The following STAG1 variants were observed in gnomAD, a reference collection of about 807,000 sequenced individuals.
STAG1 encodes the protein STAG1 cohesin complex component, also known as cohesin subunit SA-1.
Under a neutral mutation model 170.9 loss-of-function variants are expected in STAG1, and 26 were observed. That is an observed-to-expected ratio of 0.15 (90% CI 0.11 to 0.21). The LOEUF (loss-of-function observed/expected upper bound fraction) is 0.21. Among genes scored for constraint, STAG1 ranks in the 10% least tolerant of loss-of-function variants. The probability of loss-of-function intolerance (pLI) is 1.00; values close to 1 mark genes in which losing one functional copy is unlikely to be tolerated. For missense variants in STAG1, 964 were observed against 1,509.5 expected (o/e 0.64, Z 5.99); for synonymous variants, 514 against 497.7 (o/e 1.03, Z -0.44).
chr3:136,391,756 T>C (rs981268126), intron 22 of STAG1, among the ~76,000 whole-genome samples: 8 of 152,196 alleles, frequency 5.3e-5, no homozygotes, highest in Non-Finnish European at 1.0e-4. Context: ...AGAAGGATGT[T>C]TTCTGCTACA....
chr3:136,666,095 AAAAAAAAAAAAAAAAAG>A (rs1941757641), intron 1 of STAG1, among the ~76,000 whole-genome samples: 2 of 146,782 alleles, frequency 1.4e-5, no homozygotes, highest in African/African-American at 5.0e-5. Flanking sequence ...AAAAAAAAAA[AAAAAAAAAAAAAAAAAG>A]AAAGAAATGC....
intron 28 of STAG1, among the ~76,000 whole-genome samples, chr3:136,350,881 A>G (rs1039950494): frequency 2.0e-5 from 3 of 152,202 alleles, no homozygotes; most frequent in Non-Finnish European, 2.9e-5. Context: ...TAGCAGCAAC[A>G]AATGACAGCG....
intron 20 of STAG1, among the ~76,000 whole-genome samples, chr3:136,420,055 C>T (rs898113471): frequency 2.6e-5 from 4 of 151,726 alleles, no homozygotes; most frequent in Non-Finnish European, 4.4e-5. Context: ...TCAAGACCAG[C>T]CTGGCCAACA....
At chr3:136,495,876 G>A (rs1321595745) in intron 9 of STAG1, among the ~76,000 whole-genome samples, 1 of 151,538 alleles carries the variant, frequency 6.6e-6, no homozygotes, top group East Asian at 2.0e-4. Context: ...GGCTGAGGCA[G>A]GAGAATGGCG....
chr3:136,747,602 G>A (rs1390321495), intron 1 of STAG1, among the ~76,000 whole-genome samples: 1 of 151,634 alleles, frequency 6.6e-6, no homozygotes, highest in Non-Finnish European at 1.5e-5. Context: ...CTGAGCCTGG[G>A]GAGGTTGAGG....
intron 1 of STAG1, among the ~76,000 whole-genome samples, chr3:136,699,533 C>A (rs1054913402): frequency 1.3e-5 from 2 of 151,900 alleles, no homozygotes; most frequent in African/African-American, 4.8e-5. Flanking sequence ...TGGGACTAAG[C>A]GCCACCACGT....
At chr3:136,648,981 A>G (rs1941124151) in intron 1 of STAG1, among the ~76,000 whole-genome samples, 1 of 152,188 alleles carries the variant, frequency 6.6e-6, no homozygotes, top group Non-Finnish European at 1.5e-5. Flanking sequence ...ATTCCTAAAC[A>G]TAGCAAGCAA....
rs1317656282 is a variant in STAG1, at chr3:136,422,975, T to A, written c.1720A>T (p.Thr574Ser). Residue 574 changes from threonine (T) to serine (S), a missense_variant, in exon 17 of 34, where the codon ACA (threonine) becomes TCA (serine). By Grantham distance (58) the Thr-to-Ser change is moderately conservative. Coordinates refer to ENST00000383202, the MANE Select transcript of STAG1 (RefSeq NM_005862.3). ...RNKLTEHFII[T>S]LPMLLSKYSA... Reference sequence around the variant, plus strand: ...ACCTTTGACAGTAACATAGGAAGTGTAATAATAAAATGTTCAGTCAATTTG... The same window carrying A: ...ACCTTTGACAGTAACATAGGAAGTGAAATAATAAAATGTTCAGTCAATTTG... 6.2e-7 allele frequency: 1 copy of A among 1,607,570 alleles called. No homozygotes were observed.
intron 6 of STAG1, among the ~76,000 whole-genome samples, chr3:136,522,712 C>T (rs754586652): frequency 2.3e-5 from 3 of 130,674 alleles, no homozygotes; most frequent in African/African-American, 8.5e-5. Flanking sequence ...AATGCTATTC[C>T]TCCCCCCTCC....
chr3:136,486,022 T>C (rs1388697265), intron 9 of STAG1, among the ~76,000 whole-genome samples: 2 of 152,218 alleles, frequency 1.3e-5, no homozygotes, highest in African/African-American at 4.8e-5. Context: ...CTTAGAGCAG[T>C]GTTTTTAAAA....
intron 22 of STAG1, among the ~76,000 whole-genome samples, chr3:136,394,324 C>T (rs1050655247): frequency 1.3e-5 from 2 of 152,128 alleles, no homozygotes; most frequent in South Asian, 2.1e-4. Context: ...ACTGAATATA[C>T]CCTGGACTTT....
intron 4 of STAG1, among the ~76,000 whole-genome samples, chr3:136,570,051 A>T (rs1177863969): frequency 2.0e-5 from 3 of 152,192 alleles, no homozygotes; most frequent in Non-Finnish European, 4.4e-5. Context: ...TTAAAAAAAT[A>T]AAATTTTGTG....
chr3:136,515,467 A>G (rs949402951), intron 7 of STAG1, among the ~76,000 whole-genome samples: 1 of 152,222 alleles, frequency 6.6e-6, no homozygotes, highest in African/African-American at 2.4e-5. Context: ...GAAACAAAAG[A>G]TAAATTATTT....
chr3:136,566,914 TA>T (rs1199529194), intron 5 of STAG1, among the ~76,000 whole-genome samples: 2 of 152,204 alleles, frequency 1.3e-5, no homozygotes, highest in Admixed American at 6.5e-5. Context: ...CCTGTGTTTT[TA>T]AAAATGAAGG....
At chr3:136,728,287 T>C (rs147527551) in intron 1 of STAG1, among the ~76,000 whole-genome samples, 209 of 152,380 alleles carry the variant, frequency 1.4e-3, no homozygotes, top group African/African-American at 4.8e-3. Context: ...ACAATACTTT[T>C]AGTTAATAAT....
intron 3 of STAG1, among the ~76,000 whole-genome samples, chr3:136,607,068 T>C (rs1938986460): frequency 6.6e-6 from 1 of 151,966 alleles, no homozygotes; most frequent in African/African-American, 2.4e-5. Flanking sequence ...GCCATTTTTA[T>C]CACCTCATAT....
intron 9 of STAG1, among the ~76,000 whole-genome samples, chr3:136,485,618 TGCTCA>T (rs1315366431): frequency 6.6e-6 from 1 of 152,234 alleles, no homozygotes; most frequent in Non-Finnish European, 1.5e-5. Flanking sequence ...ATATATCCAC[TGCTCA>T]GCTAAGAAAT....
intron 7 of STAG1, among the ~76,000 whole-genome samples, chr3:136,503,744 T>A (rs951678132): frequency 3.3e-5 from 5 of 151,572 alleles, no homozygotes; most frequent in African/African-American, 1.2e-4. Context: ...TTATTTTTAT[T>A]TTTTTTTTGA....
At chr3:136,543,912 A>G (rs1187355922) in intron 5 of STAG1, among the ~76,000 whole-genome samples, 1 of 152,104 alleles carries the variant, frequency 6.6e-6, no homozygotes, top group Non-Finnish European at 1.5e-5. Flanking sequence ...TTTCTGATAC[A>G]TTATCGTGCC....
Sources: gnomAD v4.1 joint callset for allele counts (sites outside exome capture counted in the v4.1 genomes callset) on GRCh38, gnomAD v4.1.1 for gene constraint, MANE v1.5 for transcripts, NCBI Gene and HGNC (gene_info 2026-07-23, HGNC 2026-07-21) for gene names.